Variants in NTRK3 observed in about 807,000 individuals in gnomAD.
NTRK3 encodes NT-3 growth factor receptor.
A neutral mutation model predicts 91.7 loss-of-function variants in NTRK3; 24 were observed. The ratio of observed to expected loss-of-function variants is 0.26; its 90% CI spans 0.19 to 0.37. NTRK3 has a LOEUF of 0.37. NTRK3 is among the 10% of genes least tolerant of loss of function. The probability of loss-of-function intolerance (pLI) is 1.00; values close to 1 mark genes in which losing one functional copy is unlikely to be tolerated. For synonymous variants in NTRK3, 483 were observed against 404.0 expected (o/e 1.20, Z -2.34); for missense variants, 880 against 1,068.9 (o/e 0.82, Z 2.46).
In NTRK3 at chr15:88,129,115, C is replaced by T. The variant is rs184840510; in HGVS notation, c.1205-381G>A. 8.5e-5 allele frequency among the ~76,000 whole-genome samples: 13 copies of T among 152,308 alleles called. No individual in the cohort carries two copies. The East Asian group carries it at 2.1e-3, about 25-fold the overall frequency. On this transcript the variant is annotated intron_variant, in intron 10 of 18. Coordinates refer to ENST00000394480, the Ensembl canonical transcript of NTRK3. ...GGGCGACAGGGTGGGCTCCCCTAGACATTCTTTGAAAATGCCAGGTATGAT... is the reference window on the plus strand; with the variant it reads ...GGGCGACAGGGTGGGCTCCCCTAGATATTCTTTGAAAATGCCAGGTATGAT...
intron 3 of NTRK3, among the ~76,000 whole-genome samples, chr15:88,185,993 G>A (rs1005056049): frequency 2.0e-5 from 3 of 152,198 alleles, no homozygotes; most frequent in African/African-American, 7.2e-5. Context: ...GTTCTCCCTG[G>A]AAGCCTTACA....
chr15:87,877,890 A>C (rs1332230113), intron 18 of NTRK3, among the ~76,000 whole-genome samples: 5 of 152,154 alleles, frequency 3.3e-5, no homozygotes. Context: ...TGAGACCACG[A>C]AAAGGGACTG....
intron 3 of NTRK3, among the ~76,000 whole-genome samples, chr15:88,244,696 T>C (rs1466241605): frequency 6.6e-6 from 1 of 152,176 alleles, no homozygotes. Context: ...CTGGGATGAA[T>C]GTCCATGGGA....
At chr15:88,176,796 C>T (rs549106663) in intron 5 of NTRK3, among the ~76,000 whole-genome samples, 76 of 152,210 alleles carry the variant, frequency 5.0e-4, no homozygotes, top group African/African-American at 1.4e-3. Context: ...CATTCCAGTG[C>T]GGGAGATAGA....
chr15:88,160,490 G>A (rs1207932188), intron 5 of NTRK3, among the ~76,000 whole-genome samples: 1 of 152,198 alleles, frequency 6.6e-6, no homozygotes, highest in Non-Finnish European at 1.5e-5. Flanking sequence ...GCAGAAGAGT[G>A]GGGGCTTTGC....
intron 13 of NTRK3, among the ~76,000 whole-genome samples, chr15:88,038,338 T>C (rs938686708): frequency 1.3e-5 from 2 of 152,202 alleles, no homozygotes; most frequent in Admixed American, 1.3e-4. Context: ...TGCTCTTCCA[T>C]AAACTACATT....
chr15:87,976,057 C>T (rs2073688165), intron 14 of NTRK3, among the ~76,000 whole-genome samples: 1 of 152,228 alleles, frequency 6.6e-6, no homozygotes, highest in South Asian at 2.1e-4. Context: ...ATCTCTTCTC[C>T]CATACACTGA....
chr15:88,223,525 T>G (rs1598041498), intron 3 of NTRK3, among the ~76,000 whole-genome samples: 1 of 152,330 alleles, frequency 6.6e-6, no homozygotes, highest in East Asian at 1.9e-4. Context: ...GGCCTGGGTA[T>G]GCCCAGGGGC....
At chr15:88,170,461 G>A (rs8025158) in intron 5 of NTRK3, among the ~76,000 whole-genome samples, 41,290 of 152,072 alleles carry the variant, frequency 0.27, 6,138 homozygotes, top group African/African-American at 0.4. Flanking sequence ...ACCCTGTTGG[G>A]TACTCAGGTT....
chr15:87,867,135 G>A (rs970900867), exon 19 of NTRK3: 2 of 225,270 alleles, frequency 8.9e-6, no homozygotes, highest in Admixed American at 5.7e-5. Flanking sequence ...AGAGTCTCTT[G>A]TGCAAAAGCA....
chr15:88,039,189 T>C (rs181734007), intron 13 of NTRK3, among the ~76,000 whole-genome samples: 82 of 151,656 alleles, frequency 5.4e-4, no homozygotes, highest in African/African-American at 1.9e-3. Context: ...AGCCCGCCTA[T>C]TACCTGTTAT....
intron 13 of NTRK3, among the ~76,000 whole-genome samples, chr15:88,051,396 G>A (rs921316438): frequency 2.0e-5 from 3 of 152,124 alleles, no homozygotes; most frequent in Non-Finnish European, 2.9e-5. Context: ...TCTGTCTCTC[G>A]CTAGTGATTC....
intron 13 of NTRK3, among the ~76,000 whole-genome samples, chr15:88,060,254 G>A (rs1273223334): frequency 3.9e-5 from 6 of 152,024 alleles, no homozygotes. Context: ...CATGGTGGCA[G>A]TTGCCTGTAA....
chr15:87,963,128 AGAATCCACTGGATACCTGCTTGGGG>A lies in NTRK3; in HGVS notation c.1586-22400_1586-22376del, dbSNP rs530258736. Among the ~76,000 whole-genome samples, 729 of 152,292 alleles carry A rather than the reference AGAATCCACTGGATACCTGCTTGGGG, an allele frequency of 4.8e-3. 7 individuals carry two copies. The highest frequency in any genetic ancestry group is 0.017 in the African/African-American group (689 of 41,560). On this transcript the variant is annotated intron_variant, in intron 14 of 18. Transcript: ENST00000394480. Reference sequence around the variant, plus strand: ...TGTTACAAGATAGCTGTCCCTCAGGAGAATCCACTGGATACCTGCTTGGGGGAATCCACTGGATACCTGCAGTCCT... The same window carrying A: ...TGTTACAAGATAGCTGTCCCTCAGGAGAATCCACTGGATACCTGCAGTCCT...
chr15:87,921,430 A>T (rs1567109802), intron 17 of NTRK3, among the ~76,000 whole-genome samples: 1 of 152,144 alleles, frequency 6.6e-6, no homozygotes, highest in Non-Finnish European at 1.5e-5. Flanking sequence ...ATCCCTCAAG[A>T]ACCAGTATGC....
intron 17 of NTRK3, among the ~76,000 whole-genome samples, chr15:87,884,251 A>G (rs1338589360): frequency 3.3e-5 from 5 of 151,618 alleles, no homozygotes; most frequent in Non-Finnish European, 5.9e-5. Context: ...TAAATTTGAA[A>G]GTATACATGC....
intron 5 of NTRK3, among the ~76,000 whole-genome samples, chr15:88,166,289 C>T (rs1216519212): frequency 6.6e-6 from 1 of 152,216 alleles, no homozygotes; most frequent in African/African-American, 2.4e-5. Context: ...GGAAGGGGCA[C>T]TCCCTCTACT....
chr15:88,117,898 G>A (rs892607611), intron 13 of NTRK3, among the ~76,000 whole-genome samples: 2 of 152,170 alleles, frequency 1.3e-5, no homozygotes, highest in African/African-American at 4.8e-5. Flanking sequence ...TCCTTCCCTG[G>A]AACAGGTGGC....
chr15:88,190,066 A>G (rs1268511198), intron 3 of NTRK3, among the ~76,000 whole-genome samples: 1 of 152,160 alleles, frequency 6.6e-6, no homozygotes, highest in Non-Finnish European at 1.5e-5. Context: ...TTCCCTGGGC[A>G]CTTGGCAAGA....
Sources: allele counts gnomAD v4.1 joint callset (sites outside exome capture counted in the v4.1 genomes callset), GRCh38; gene constraint gnomAD v4.1.1; transcripts MANE v1.5; gene names NCBI Gene and HGNC (gene_info 2026-07-23, HGNC 2026-07-21).